PHF21A: variants seen among roughly 807,000 people sequenced by gnomAD.
PHF21A encodes the protein PHD finger protein 21A.
Under a neutral mutation model 82.5 loss-of-function variants are expected in PHF21A, and 11 were observed. The ratio of observed to expected loss-of-function variants is 0.13; its 90% CI spans 0.08 to 0.22. The LOEUF (loss-of-function observed/expected upper bound fraction) is 0.22, where lower values mean the gene tolerates loss of function less well. Ranked by LOEUF, PHF21A falls within the 10% of genes least tolerant of loss-of-function variation. The pLI is 1.00. For synonymous variants in PHF21A, 297 were observed against 302.8 expected, an observed-to-expected ratio of 0.98 and a Z score of 0.20; for missense variants, 579 against 837.8, an observed-to-expected ratio of 0.69 and a Z score of 3.81.
At chr11:46,104,241 T>C (rs1222622456) in intron 1 of PHF21A, among the ~76,000 whole-genome samples, 1 of 152,180 alleles carries the variant, frequency 6.6e-6, no homozygotes, top group Non-Finnish European at 1.5e-5. Context: ...AAGCATGAGT[T>C]CTCAAGGGTT....
chr11:46,090,890 C>A (rs2096916558), intron 2 of PHF21A, among the ~76,000 whole-genome samples: 1 of 152,006 alleles, frequency 6.6e-6, no homozygotes, highest in South Asian at 2.1e-4. Flanking sequence ...TCCTACTGCT[C>A]AAGTTCATTG....
At chr11:46,116,451 G>A (rs577377233) in intron 1 of PHF21A, 1 of 152,068 alleles carries the variant, frequency 6.6e-6, no homozygotes, top group East Asian at 1.9e-4. Context: ...AAGAATCAGG[G>A]AACTTACATA....
At chr11:45,949,502 TC>T (rs1424656189) in intron 12 of PHF21A, 21 bp from the exon 13 acceptor site, 5 of 1,602,748 alleles carry the variant, frequency 3.1e-6, no homozygotes, top group Admixed American at 3.3e-5. Flanking sequence ...GAAAAGGTTT[TC>T]ATTAGCAGAG....
At chr11:46,009,702 CA>C (rs2095372883) in intron 6 of PHF21A, among the ~76,000 whole-genome samples, 1 of 152,192 alleles carries the variant, frequency 6.6e-6, no homozygotes, top group African/African-American at 2.4e-5. Flanking sequence ...AGCAGACTTC[CA>C]ACTTGGGCAG....
At chr11:45,973,805 A>G (rs2093892035) in intron 7 of PHF21A, among the ~76,000 whole-genome samples, 1 of 152,216 alleles carries the variant, frequency 6.6e-6, no homozygotes, top group Non-Finnish European at 1.5e-5. Context: ...CGTTCAATCC[A>G]GTGCTATCGT....
At chr11:46,032,434 A>G (rs1398839486) in intron 6 of PHF21A, among the ~76,000 whole-genome samples, 1 of 152,082 alleles carries the variant, frequency 6.6e-6, no homozygotes, top group African/African-American at 2.4e-5. Context: ...AATCAGTATC[A>G]TCTACTTCCT....
At chr11:46,081,911 T>C (rs1470025909) in intron 4 of PHF21A, among the ~76,000 whole-genome samples, 3 of 152,298 alleles carry the variant, frequency 2.0e-5, no homozygotes, top group African/African-American at 7.2e-5. Context: ...GCCAGAAATA[T>C]TTTACTGTGT....
intron 7 of PHF21A, among the ~76,000 whole-genome samples, chr11:45,975,963 T>C (rs2946003): frequency 0.54 from 82,220 of 151,920 alleles, 24,027 homozygotes; most frequent in Non-Finnish European, 0.66. Flanking sequence ...CTTGCCCTCA[T>C]ACATTAAATA....
At chr11:46,025,127 A>G (rs374426147) in intron 6 of PHF21A, among the ~76,000 whole-genome samples, 17 of 152,142 alleles carry the variant, frequency 1.1e-4, no homozygotes, top group African/African-American at 3.9e-4. Flanking sequence ...TCTGAAAGAG[A>G]TAACAGTGAC....
chr11:45,969,914 G>T lies in PHF21A; in HGVS notation c.613-10C>A, dbSNP rs764120309. 16 of 1,586,182 alleles carry T rather than the reference G, an allele frequency of 1.0e-5. No individual in the cohort carries two copies. The highest frequency in any genetic ancestry group is 1.7e-4 in the Middle Eastern group (1 of 6,022). On this transcript the variant is annotated splice_polypyrimidine_tract_variant and intron_variant, in intron 8 of 18. Coordinates refer to ENST00000676320, the MANE Select transcript of PHF21A (RefSeq NM_001352027.3). ...GTGTTGCCTGAACCTGCTAAAAAAT[G>T]AGGAAGATAAATAAACCAGAGAGAA...
chr11:45,961,093 T>A (rs148692721), intron 10 of PHF21A, among the ~76,000 whole-genome samples: 117 of 152,296 alleles, frequency 7.7e-4, no homozygotes, highest in Non-Finnish European at 1.4e-3. Flanking sequence ...TATACTCATG[T>A]TCCCACTGAA....
chr11:46,106,793 A>G (rs936199579), intron 1 of PHF21A, among the ~76,000 whole-genome samples: 2 of 152,264 alleles, frequency 1.3e-5, no homozygotes, highest in African/African-American at 4.8e-5. Flanking sequence ...CAATGGGAGT[A>G]GAAGCTATCA....
At chr11:46,096,258 T>A (rs1292222226) in intron 1 of PHF21A, among the ~76,000 whole-genome samples, 1 of 151,384 alleles carries the variant, frequency 6.6e-6, no homozygotes, top group African/African-American at 2.4e-5. Context: ...ACTGGATCAT[T>A]TTGTTCCTTC....
intron 6 of PHF21A, among the ~76,000 whole-genome samples, chr11:46,050,463 A>G (rs576377533): frequency 6.6e-6 from 1 of 152,194 alleles, no homozygotes; most frequent in African/African-American, 2.4e-5. Flanking sequence ...GGCAAATTCC[A>G]TAGCTGCCGA....
At chr11:45,950,175 A>G in intron 12 of PHF21A, 31 bp downstream of exon 12, 1 of 1,549,054 alleles carries the variant, frequency 6.5e-7, no homozygotes, top group Non-Finnish European at 8.8e-7. Context: ...GGGCCAGAAA[A>G]AAAGGCAGTG....
chr11:46,075,785 A>G (rs953380132), intron 6 of PHF21A, among the ~76,000 whole-genome samples: 2 of 152,192 alleles, frequency 1.3e-5, no homozygotes, highest in African/African-American at 2.4e-5. Flanking sequence ...CCCTCAGTTA[A>G]ATGAAAACAC....
At chr11:46,102,721 T>C (rs2097110814) in intron 1 of PHF21A, among the ~76,000 whole-genome samples, 1 of 152,222 alleles carries the variant, frequency 6.6e-6, no homozygotes, top group Non-Finnish European at 1.5e-5. Context: ...AGTCCAGATA[T>C]AAAGTATTTT....
At chr11:45,965,231 G>A in intron 10 of PHF21A, 84 bp downstream of exon 10, 1 of 1,177,404 alleles carries the variant, frequency 8.5e-7, no homozygotes. Context: ...GAGCCCTTGA[G>A]AAAATGTATT....
rs1326531916 is a variant in PHF21A, at chr11:45,931,405, G to C, written c.*2563C>G. 6.6e-6 allele frequency: 1 copy of C among 152,194 alleles called. No homozygotes were observed. Among genetic ancestry groups the C allele is most frequent in the Non-Finnish European group, 1.5e-5 (1 of 68,058 alleles). 9.4% of individuals were successfully genotyped at this position (152,194 alleles called of 1,614,324 possible). A position where few individuals can be genotyped will look rare whatever the true frequency, so the allele number is the denominator to read the frequency against. On this transcript the variant is annotated 3_prime_UTR_variant, in exon 19 of 19. Coordinates refer to ENST00000676320, the MANE Select transcript of PHF21A (RefSeq NM_001352027.3). ...TCCAACTAGTCCAGGCATCTCCAAG[G>C]CTCCCTGACTAGACACAGCACCTTG...
Sources: allele counts gnomAD v4.1 joint callset (sites outside exome capture counted in the v4.1 genomes callset), GRCh38; gene constraint gnomAD v4.1.1; transcripts MANE v1.5; gene names NCBI Gene and HGNC (gene_info 2026-07-23, HGNC 2026-07-21).